The following PPARGC1A variants were observed in gnomAD, a reference collection of about 807,000 sequenced individuals.
The protein encoded by PPARGC1A is PPARG coactivator 1 alpha, also known as peroxisome proliferator-activated receptor gamma coactivator 1-alpha.
Under a neutral mutation model 88.7 loss-of-function variants are expected in PPARGC1A, and 25 were observed. That is an observed-to-expected ratio of 0.28 (90% confidence interval 0.21 to 0.39). The LOEUF is 0.39. PPARGC1A is among the 10% of genes least tolerant of loss of function. PPARGC1A has a pLI of 1.00. For missense variants in PPARGC1A, 880 were observed against 968.7 expected, an observed-to-expected ratio of 0.91 and a Z score of 1.22; for synonymous variants, 363 against 355.6, an observed-to-expected ratio of 1.02 and a Z score of -0.24.
chr4:24,219,181 G>A, the PPARGC1A span, among the ~76,000 whole-genome samples: 1 of 152,190 alleles, frequency 6.6e-6, no homozygotes, highest in Non-Finnish European at 1.5e-5. Context: ...GATGTTTTAT[G>A]GTCCCACAAC....
chr4:24,240,479 G>T, the PPARGC1A span, among the ~76,000 whole-genome samples: 1 of 152,112 alleles, frequency 6.6e-6, no homozygotes, highest in Non-Finnish European at 1.5e-5. Flanking sequence ...TAGCTGGCTA[G>T]TTATATATAA....
the PPARGC1A span, among the ~76,000 whole-genome samples, chr4:23,962,621 C>A: frequency 1.3e-5 from 2 of 152,236 alleles, no homozygotes; most frequent in Non-Finnish European, 2.9e-5. Context: ...CTGAGCAATC[C>A]CCAAAGTCAA....
At chr4:24,149,952 A>C in the PPARGC1A span, among the ~76,000 whole-genome samples, 1 of 152,222 alleles carries the variant, frequency 6.6e-6, no homozygotes, top group African/African-American at 2.4e-5. Flanking sequence ...ATCTTTCCAA[A>C]ACCCTTCAGG....
the PPARGC1A span, among the ~76,000 whole-genome samples, chr4:24,257,385 C>A: frequency 4.6e-5 from 7 of 151,996 alleles, no homozygotes; most frequent in Non-Finnish European, 8.8e-5. Context: ...TGACAGCCAC[C>A]TTTTAAAAGA....
the PPARGC1A span, among the ~76,000 whole-genome samples, chr4:23,935,775 A>G: frequency 6.6e-6 from 1 of 152,220 alleles, no homozygotes; most frequent in African/African-American, 2.4e-5. Flanking sequence ...AAAATCAGGA[A>G]GTCAGGATTC....
At chr4:23,958,303 A>G in the PPARGC1A span, among the ~76,000 whole-genome samples, 1 of 152,290 alleles carries the variant, frequency 6.6e-6, no homozygotes, top group South Asian at 2.1e-4. Flanking sequence ...AGATGAAACA[A>G]TTTGAAATCC....
At chr4:24,334,175 C>T in the PPARGC1A span, among the ~76,000 whole-genome samples, 11 of 152,128 alleles carry the variant, frequency 7.2e-5, 1 homozygote, top group African/African-American at 2.4e-4. Context: ...GCACTACATT[C>T]CCATGTAATG....
At chr4:23,960,087 C>G in the PPARGC1A span, among the ~76,000 whole-genome samples, 1 of 152,146 alleles carries the variant, frequency 6.6e-6, no homozygotes, top group African/African-American at 2.4e-5. Context: ...AGGCAACAAT[C>G]TAGGCTAACC....
At chr4:23,910,350 A>T in the PPARGC1A span, among the ~76,000 whole-genome samples, 4 of 64,322 alleles carry the variant, frequency 6.2e-5, no homozygotes, top group African/African-American at 8.7e-5. Context: ...ATTATATATT[A>T]TATATATTAT....
intron 6 of PPARGC1A, 39 bp from the exon 7 acceptor site, chr4:23,824,392 G>T (rs201743939): frequency 6.2e-7 from 1 of 1,608,858 alleles, no homozygotes; most frequent in African/African-American, 1.3e-5. Context: ...AAACTGAAAT[G>T]GAGTTGCTGT....
At chr4:24,224,770 A>C in the PPARGC1A span, among the ~76,000 whole-genome samples, 2 of 152,180 alleles carry the variant, frequency 1.3e-5, no homozygotes, top group Non-Finnish European at 2.9e-5. Flanking sequence ...AGCCATGGAG[A>C]AGTGCAAGAG....
chr4:24,327,740 A>G, the PPARGC1A span, among the ~76,000 whole-genome samples: 1 of 151,858 alleles, frequency 6.6e-6, no homozygotes, highest in African/African-American at 2.4e-5. Context: ...GTCTCTCTCC[A>G]TACCACCCCC....
chr4:24,110,169 G>T, the PPARGC1A span, among the ~76,000 whole-genome samples: 3 of 152,164 alleles, frequency 2.0e-5, no homozygotes, highest in African/African-American at 7.2e-5. Context: ...CCCTCACCTA[G>T]CCATCTGGTC....
At chr4:24,306,956 T>C in the PPARGC1A span, among the ~76,000 whole-genome samples, 2 of 152,316 alleles carry the variant, frequency 1.3e-5, no homozygotes, top group East Asian at 3.9e-4. Flanking sequence ...TACTGAAAAA[T>C]TGAATCGCTT....
At chr4:24,010,043 G>T in the PPARGC1A span, among the ~76,000 whole-genome samples, 1 of 152,174 alleles carries the variant, frequency 6.6e-6, no homozygotes, top group African/African-American at 2.4e-5. Context: ...TTGAATAAGG[G>T]AATCAAAGAA....
intron 2 of PPARGC1A, among the ~76,000 whole-genome samples, chr4:23,842,776 G>A (rs1253569025): frequency 1.3e-5 from 2 of 152,034 alleles, no homozygotes; most frequent in Admixed American, 1.3e-4. Flanking sequence ...CTGTAATTTT[G>A]ATAAGCAACC....
At chr4:24,165,227 G>T in the PPARGC1A span, among the ~76,000 whole-genome samples, 1 of 151,936 alleles carries the variant, frequency 6.6e-6, no homozygotes, top group Non-Finnish European at 1.5e-5. Flanking sequence ...ATAACTGAAT[G>T]CTGGTATTTG....
the PPARGC1A span, among the ~76,000 whole-genome samples, chr4:23,925,385 T>A: frequency 6.6e-6 from 1 of 152,154 alleles, no homozygotes; most frequent in African/African-American, 2.4e-5. Context: ...CTGATGAAGG[T>A]AATACACCTG....
chr4:24,084,872 A>G, the PPARGC1A span, among the ~76,000 whole-genome samples: 1 of 152,196 alleles, frequency 6.6e-6, no homozygotes, highest in African/African-American at 2.4e-5. Context: ...CAATAGAAGA[A>G]AAACAGAACT....
Sources: gnomAD v4.1 joint callset for allele counts (sites outside exome capture counted in the v4.1 genomes callset) on GRCh38, gnomAD v4.1.1 for gene constraint, MANE v1.5 for transcripts, NCBI Gene and HGNC (gene_info 2026-07-23, HGNC 2026-07-21) for gene names.